The following PLB1 variants were observed in gnomAD, a reference collection of about 807,000 sequenced individuals.
PLB1 encodes phospholipase B1, membrane-associated.
A neutral mutation model predicts 227.4 loss-of-function variants in PLB1; 242 were observed. The observed-to-expected ratio is 1.06, with a 90% CI of 0.96 to 1.18. The LOEUF (loss-of-function observed/expected upper bound fraction) is 1.18, where lower values mean the gene tolerates loss of function less well. Among genes scored for constraint, PLB1 ranks in the 50% most tolerant of loss-of-function variants. The probability of loss-of-function intolerance (pLI) is 0.00; values close to 1 mark genes in which losing one functional copy is unlikely to be tolerated. For missense variants in PLB1, 1,858 were observed against 1,816.3 expected (o/e 1.02, Z -0.42); for synonymous variants, 757 against 682.2 (o/e 1.11, Z -1.71).
chr2:28,573,281 A>G lies in PLB1; in HGVS notation c.1409A>G (p.Gln470Arg), dbSNP rs114968020. The G allele has an allele frequency of 6.2e-7, 1 of 1,613,872 alleles. No individual in the cohort carries two copies. The highest frequency in any genetic ancestry group is 2.2e-5 in the East Asian group (1 of 44,882). Residue 470 changes from glutamine (Q) to arginine (R), a missense_variant, in exon 21 of 58, where the codon CAG (glutamine) becomes CGG (arginine). Coordinates refer to ENST00000327757, the MANE Select transcript of PLB1 (RefSeq NM_153021.5). ...KETSPNAFLN[Q>R]AVAGGRAEDL... is the part of the protein sequence containing the mutation. ...ACCAGTCCTAATGCCTTCTTAAACC[A>G]GGCTGTGGCAGGAGGCCGAGCTGAG...
chr2:28,594,416 G>A (rs1682555869), intron 33 of PLB1: 1 of 165,604 alleles, frequency 6.0e-6, no homozygotes, highest in African/African-American at 2.4e-5. Flanking sequence ...TTCAAAGTAA[G>A]TGGCGAGTAG....
At chr2:28,545,174 G>C (rs1673054836) in intron 14 of PLB1, among the ~76,000 whole-genome samples, 1 of 152,198 alleles carries the variant, frequency 6.6e-6, no homozygotes, top group South Asian at 2.1e-4. Flanking sequence ...CAAGGGCTTA[G>C]AAGAGGAGGA....
chr2:28,539,074 C>T, intron 10 of PLB1, 25 bp from the exon 11 acceptor site: 3 of 1,593,876 alleles, frequency 1.9e-6, no homozygotes, highest in Non-Finnish European at 2.6e-6. Flanking sequence ...CAAATACTCA[C>T]CTCCCTCTCT....
chr2:28,631,589 G>T (rs11896668), intron 54 of PLB1, among the ~76,000 whole-genome samples: 37,496 of 152,020 alleles, frequency 0.25, 4,634 homozygotes, highest in East Asian at 0.33. Flanking sequence ...CTCTCCTCCC[G>T]CAAAGTTCAT....
At chr2:28,523,967 A>G (rs1669886826) in intron 4 of PLB1, among the ~76,000 whole-genome samples, 1 of 152,072 alleles carries the variant, frequency 6.6e-6, no homozygotes, top group Admixed American at 6.5e-5. Flanking sequence ...CTTGTATCTT[A>G]GTGTGATTTG....
intron 56 of PLB1, among the ~76,000 whole-genome samples, chr2:28,636,027 GTATGTGTGTGTGTGTATGTA>G (rs776743730): frequency 6.1e-5 from 7 of 115,556 alleles, no homozygotes; most frequent in Non-Finnish European, 1.2e-4. Context: ...GAATGTGTGT[GTATGTGTGTGTGTGTATGTA>G]TGTGTATGTG....
intron 57 of PLB1, among the ~76,000 whole-genome samples, chr2:28,642,050 T>G (rs909436055): frequency 7.2e-5 from 11 of 152,184 alleles, no homozygotes; most frequent in African/African-American, 2.4e-4. Context: ...ATCTTCCATC[T>G]GCTATGAGAA....
At chr2:28,579,573 C>T in intron 22 of PLB1, 54 bp from the exon 23 acceptor site, 2 of 1,444,478 alleles carry the variant, frequency 1.4e-6, no homozygotes, top group African/African-American at 1.4e-5. Flanking sequence ...TTTGTGTTTT[C>T]CTTGACTTGA....
At chr2:28,620,505 G>T in intron 47 of PLB1, 95 bp from the exon 48 acceptor site, 1 of 1,471,994 alleles carries the variant, frequency 6.8e-7, no homozygotes, top group South Asian at 1.3e-5. Context: ...CGCCCCAGGG[G>T]CCCAGAACCC....
intron 1 of PLB1, among the ~76,000 whole-genome samples, chr2:28,508,711 G>T (rs1667901747): frequency 6.6e-6 from 1 of 152,232 alleles, no homozygotes; most frequent in Non-Finnish European, 1.5e-5. Flanking sequence ...ACAGCTCAGT[G>T]CTTAGTGGAG....
At position 28,606,533 on chromosome 2, in the gene PLB1, T is replaced by TG. The variant is rs1471100539; in HGVS notation, c.3096dup (p.Arg1033GlufsTer13). On this transcript the variant is annotated frameshift_variant, in exon 43 of 58. Coordinates refer to ENST00000327757, the MANE Select transcript of PLB1 (RefSeq NM_153021.5). LOFTEE classifies it high-confidence loss of function. Reference sequence around the variant, plus strand: ...GGAAGCAAAACAGAGACCCTGGACCTGAGAGCAGAGATGCCCATCACCTGT... The same window carrying TG: ...GGAAGCAAAACAGAGACCCTGGACCTGGAGAGCAGAGATGCCCATCACCTGT... 7 of 1,614,094 alleles carry TG rather than the reference T, an allele frequency of 4.3e-6. No individual in the cohort carries two copies. The African/African-American group carries it at 9.3e-5, about 22-fold the overall frequency.
intron 56 of PLB1, among the ~76,000 whole-genome samples, chr2:28,636,699 A>C (rs1207266120): frequency 6.6e-6 from 1 of 152,194 alleles, no homozygotes; most frequent in South Asian, 2.1e-4. Context: ...TGTGACACAG[A>C]GTAATGGCTG....
intron 14 of PLB1, among the ~76,000 whole-genome samples, chr2:28,548,213 T>TC (rs1673601247): frequency 6.6e-6 from 1 of 152,296 alleles, no homozygotes; most frequent in South Asian, 2.1e-4. Flanking sequence ...AACAGAGGGT[T>TC]TCCATTCTCT....
chr2:28,532,284 G>T (rs1671121973), intron 9 of PLB1, 90 bp downstream of exon 9: 2 of 1,018,236 alleles, frequency 2.0e-6, no homozygotes. Flanking sequence ...ATCCCCAGCT[G>T]TCAGGATGGG....
chr2:28,603,170 G>A (rs1437182579), intron 39 of PLB1, among the ~76,000 whole-genome samples: 3 of 152,204 alleles, frequency 2.0e-5, no homozygotes, highest in East Asian at 1.9e-4. Flanking sequence ...ATCAAAGTTG[G>A]GACAGAGGCT....
intron 53 of PLB1, among the ~76,000 whole-genome samples, chr2:28,630,290 AG>A (rs1688419728): frequency 6.6e-6 from 1 of 152,172 alleles, no homozygotes; most frequent in Non-Finnish European, 1.5e-5. Context: ...GGAAGGAGGA[AG>A]GGGAATAGGC....
chr2:28,631,916 A>T, intron 54 of PLB1, 120 bp from the exon 55 acceptor site: 1 of 774,616 alleles, frequency 1.3e-6, no homozygotes, highest in Admixed American at 2.1e-5. Flanking sequence ...GTAGCCCCTT[A>T]AAGTCACTGT....
At chr2:28,610,742 G>A (rs1558911560) in intron 43 of PLB1, among the ~76,000 whole-genome samples, 1 of 152,204 alleles carries the variant, frequency 6.6e-6, no homozygotes, top group Non-Finnish European at 1.5e-5. Flanking sequence ...CAGCCAGGAT[G>A]TTGATGGCCT....
chr2:28,634,276 A>G (rs539432095), intron 56 of PLB1, among the ~76,000 whole-genome samples: 2 of 152,310 alleles, frequency 1.3e-5, no homozygotes, highest in East Asian at 1.9e-4. Context: ...CGATTTTTAA[A>G]TCAGTTTATA....
Sources: gnomAD v4.1 joint callset for allele counts (sites outside exome capture counted in the v4.1 genomes callset) on GRCh38, gnomAD v4.1.1 for gene constraint, MANE v1.5 for transcripts, NCBI Gene and HGNC (gene_info 2026-07-23, HGNC 2026-07-21) for gene names.